The following SH3BGR variants were observed in gnomAD, a reference collection of about 807,000 sequenced individuals.
SH3BGR encodes the protein SH3 domain binding glutamate rich protein.
A neutral mutation model predicts 24.5 loss-of-function variants in SH3BGR; 29 were observed. The ratio of observed to expected loss-of-function variants is 1.18; its 90% CI spans 0.88 to 1.61. The LOEUF is 1.61. Among genes scored for constraint, SH3BGR ranks in the 40% most tolerant of loss-of-function variants. The pLI, the probability that SH3BGR is intolerant of heterozygous loss-of-function variation, is 0.00. For missense variants in SH3BGR, 162 were observed against 205.8 expected (o/e 0.79, Z 1.30); for synonymous variants, 55 against 65.7 (o/e 0.84, Z 0.79).
chr21:39,500,759 A>G (rs182909018), intron 4 of SH3BGR, among the ~76,000 whole-genome samples: 1 of 152,200 alleles, frequency 6.6e-6, no homozygotes, highest in African/African-American at 2.4e-5. Context: ...GGGAGCTTTT[A>G]TGAGAGCTGG....
chr21:39,487,377 A>G (rs2078228499), intron 3 of SH3BGR, among the ~76,000 whole-genome samples: 1 of 152,164 alleles, frequency 6.6e-6, no homozygotes, highest in Non-Finnish European at 1.5e-5. Context: ...TCCTGGGCTC[A>G]AGTGATCCTC....
At chr21:39,457,187 A>G (rs926606155) in intron 1 of SH3BGR, among the ~76,000 whole-genome samples, 1 of 145,708 alleles carries the variant, frequency 6.9e-6, no homozygotes, top group Non-Finnish European at 1.5e-5. Context: ...TATGTAAGTT[A>G]TATTACATTA....
At position 39,459,232 on chromosome 21, in the gene SH3BGR, C is replaced by CT. The variant is rs34104540; in HGVS notation, c.46-3132dup. 3.5e-3 allele frequency among the ~76,000 whole-genome samples: 503 copies of CT among 145,632 alleles called. 4 individuals are homozygous for CT. The highest frequency in any genetic ancestry group is 1.0e-2 in the African/African-American group (397 of 39,882). The stretch of plus-strand genomic sequence containing the variant: ...CCTTCTTCCTTTTTTCTTTTTCTTT[C>CT]TTTTTTTTTTTGAGACGGAGTCTCA... On this transcript the variant is annotated intron_variant, in intron 1 of 6. Transcript: ENST00000333634.
intron 2 of SH3BGR, among the ~76,000 whole-genome samples, chr21:39,468,056 T>A (rs1483181793): frequency 1.3e-5 from 2 of 152,092 alleles, no homozygotes; most frequent in East Asian, 3.9e-4. Flanking sequence ...AGGGCCGGAG[T>A]GCCTGCCTGG....
intron 2 of SH3BGR, among the ~76,000 whole-genome samples, chr21:39,468,908 G>T (rs1855754099): frequency 6.6e-6 from 1 of 151,950 alleles, no homozygotes; most frequent in African/African-American, 2.4e-5. Context: ...GTTCTTCTCT[G>T]TGGGAAATGT....
chr21:39,487,911 G>A (rs1192095479), intron 3 of SH3BGR, among the ~76,000 whole-genome samples: 1 of 152,202 alleles, frequency 6.6e-6, no homozygotes, highest in African/African-American at 2.4e-5. Flanking sequence ...AGTACAAAAG[G>A]AAGAAGCAGA....
intron 2 of SH3BGR, 107 bp from the exon 3 acceptor site, chr21:39,475,028 T>A (rs939810895): frequency 4.6e-6 from 3 of 655,194 alleles, no homozygotes; most frequent in Non-Finnish European, 7.8e-6. Flanking sequence ...TGACTTTTTG[T>A]GTGAGCTCCT....
intron 5 of SH3BGR, 82 bp downstream of exon 5, chr21:39,509,109 AC>A: frequency 8.7e-7 from 1 of 1,147,644 alleles, no homozygotes; most frequent in South Asian, 1.4e-5. Context: ...AGCTTGAGGC[AC>A]GTTCTTAATA....
Position 39,496,527 on chromosome 21 carries a change from A to G in SH3BGR, c.313-3296A>G, listed in dbSNP as rs1030997850. 1.9e-3 allele frequency among the ~76,000 whole-genome samples: 283 copies of G among 146,480 alleles called. 3 individuals carry two copies. The highest frequency in any genetic ancestry group is 6.6e-3 in the African/African-American group (269 of 41,050). On this transcript the variant is annotated intron_variant, in intron 3 of 6. Coordinates refer to ENST00000333634, the MANE Select transcript of SH3BGR (RefSeq NM_007341.3). ...GTCTCAAAAAAAAAAAAAAAAAAAA[A>G]AATTATCTTTATTTGCATATGATAT...
chr21:39,502,601 T>C (rs1473832888), intron 4 of SH3BGR, among the ~76,000 whole-genome samples: 1 of 152,226 alleles, frequency 6.6e-6, no homozygotes, highest in African/African-American at 2.4e-5. Context: ...CTGCTCCATG[T>C]GCCCACCTCA....
chr21:39,515,028 G>T (rs552845736), intron 6 of SH3BGR, 60 bp from the exon 7 acceptor site: 4 of 451,650 alleles, frequency 8.9e-6, no homozygotes, highest in African/African-American at 6.1e-5. Context: ...GATGAAGATT[G>T]TGGTAAACAT....
At chr21:39,458,907 A>G (rs1013499261) in intron 1 of SH3BGR, among the ~76,000 whole-genome samples, 2 of 152,014 alleles carry the variant, frequency 1.3e-5, no homozygotes, top group African/African-American at 2.4e-5. Context: ...TCAGCTTCCT[A>G]CAGTTCTAGG....
chr21:39,480,116 A>G (rs563445937), intron 3 of SH3BGR, among the ~76,000 whole-genome samples: 8 of 152,324 alleles, frequency 5.3e-5, no homozygotes, highest in Non-Finnish European at 1.2e-4. Flanking sequence ...AATTTAATTT[A>G]ATCTATTTTT....
intron 3 of SH3BGR, among the ~76,000 whole-genome samples, chr21:39,477,426 G>A (rs959574846): frequency 1.3e-5 from 2 of 152,158 alleles, no homozygotes; most frequent in Non-Finnish European, 2.9e-5. Flanking sequence ...GTGAGCCACT[G>A]TGTCCAGCAT....
intron 1 of SH3BGR, among the ~76,000 whole-genome samples, chr21:39,461,192 A>G (rs2077749930): frequency 7.0e-6 from 1 of 142,960 alleles, no homozygotes; most frequent in Non-Finnish European, 1.5e-5. Context: ...GCTGGAGTGC[A>G]GTGGCGCAAT....
chr21:39,457,126 CA>C (rs2077668592), intron 1 of SH3BGR, among the ~76,000 whole-genome samples: 1 of 145,902 alleles, frequency 6.9e-6, no homozygotes, highest in Non-Finnish European at 1.5e-5. Flanking sequence ...CATATATAAT[CA>C]AATCACCATC....
intron 3 of SH3BGR, among the ~76,000 whole-genome samples, chr21:39,478,148 T>C (rs941816818): frequency 1.3e-5 from 2 of 152,206 alleles, no homozygotes; most frequent in African/African-American, 2.4e-5. Context: ...ATTAAAAAAA[T>C]AACTTTTTTC....
chr21:39,509,228 G>A (rs1323994169), intron 5 of SH3BGR, among the ~76,000 whole-genome samples: 2 of 152,130 alleles, frequency 1.3e-5, no homozygotes, highest in African/African-American at 2.4e-5. Flanking sequence ...AGAGAGAAAC[G>A]GGGCTTGGCT....
At chr21:39,494,248 C>CT (rs1319946485) in intron 3 of SH3BGR, among the ~76,000 whole-genome samples, 219 of 114,506 alleles carry the variant, frequency 1.9e-3, no homozygotes, top group African/African-American at 5.5e-3. Flanking sequence ...TCTTCTTCTT[C>CT]TTCTTTTTTT....
Sources: gnomAD v4.1 joint callset for allele counts (sites outside exome capture counted in the v4.1 genomes callset) on GRCh38, gnomAD v4.1.1 for gene constraint, MANE v1.5 for transcripts, NCBI Gene and HGNC (gene_info 2026-07-23, HGNC 2026-07-21) for gene names.